The following PLEKHG1 variants were observed in gnomAD, a reference collection of about 807,000 sequenced individuals.
PLEKHG1 encodes the protein pleckstrin homology domain-containing family G member 1.
PLEKHG1 carries 44 observed loss-of-function variants against 100.8 expected under a neutral mutation model. That is an observed-to-expected ratio of 0.44 (90% CI 0.34 to 0.56). The LOEUF is 0.56. Among genes scored for constraint, PLEKHG1 ranks in the 20% least tolerant of loss-of-function variants. The pLI, the probability that PLEKHG1 is intolerant of heterozygous loss-of-function variation, is 0.01. For missense variants in PLEKHG1, 1,545 were observed against 1,720.9 expected (o/e 0.90, Z 1.81); for synonymous variants, 640 against 662.5 (o/e 0.97, Z 0.52).
chr6:150,779,124 C>A (rs1441778792), intron 3 of PLEKHG1, among the ~76,000 whole-genome samples: 2 of 152,022 alleles, frequency 1.3e-5, no homozygotes, highest in Non-Finnish European at 2.9e-5. Flanking sequence ...GGTTTCCTCA[C>A]CTTAAAATTA....
chr6:150,714,931 C>T (rs1271912618), intron 3 of PLEKHG1, among the ~76,000 whole-genome samples: 1 of 152,020 alleles, frequency 6.6e-6, no homozygotes, highest in East Asian at 1.9e-4. Flanking sequence ...GCCTCAGCCT[C>T]CCAAGTAGCT....
chr6:150,699,389 C>T (rs747914594), intron 3 of PLEKHG1, among the ~76,000 whole-genome samples: 1 of 152,230 alleles, frequency 6.6e-6, no homozygotes, highest in Non-Finnish European at 1.5e-5. Context: ...AGGTTTCCCT[C>T]GTGCAACAGA....
chr6:150,714,494 T>C lies in PLEKHG1; in HGVS notation c.-98-19090T>C, dbSNP rs112105171. 3.7e-3 allele frequency among the ~76,000 whole-genome samples: 563 copies of C among 152,256 alleles called. 3 individuals are homozygous for C. Among genetic ancestry groups the C allele is most frequent in the African/African-American group, 0.013 (538 of 41,544 alleles). On this transcript the variant is annotated intron_variant, in intron 3 of 3. Coordinates refer to the PLEKHG1 transcript ENST00000367326. ...TGGCCGACTGTTGAAAGGTATACGA[T>C]GGAGATGTCAAATCATAACTTGGTT...
In PLEKHG1 at chr6:150,600,332, A is replaced by T. The variant is rs1379347793; in HGVS notation, c.-204+315A>T. 6.6e-6 allele frequency among the ~76,000 whole-genome samples: 1 copy of T among 151,438 alleles called. No homozygotes were observed. The highest frequency in any genetic ancestry group is 2.4e-5 in the African/African-American group (1 of 41,226). ...CCCCGCTTGGGGTTCCGCGCCCCCA[A>T]GTTCCCGGTGCTCCCGCCCCTCGCC... is the stretch of plus-strand genomic sequence containing the variant. On this transcript the variant is annotated intron_variant, in intron 1 of 3. Transcript: ENST00000367326. This position sits in a 1 kb window ranked among gnomAD's most constrained non-coding sequence, Gnocchi z 6.2.
At chr6:150,636,374 G>A (rs773004805) in intron 1 of PLEKHG1, among the ~76,000 whole-genome samples, 1 of 152,130 alleles carries the variant, frequency 6.6e-6, no homozygotes, top group Non-Finnish European at 1.5e-5. Context: ...TGTCTTTTGA[G>A]CCGTTCTGAC....
At chr6:150,824,814 A>G (rs879269867) in intron 14 of PLEKHG1, among the ~76,000 whole-genome samples, 1 of 152,128 alleles carries the variant, frequency 6.6e-6, no homozygotes, top group Non-Finnish European at 1.5e-5. Flanking sequence ...ACAGGCATGA[A>G]CCACCACACC....
intron 2 of PLEKHG1, among the ~76,000 whole-genome samples, chr6:150,765,493 C>CAAAAAA (rs141648102): frequency 1.3e-4 from 18 of 140,654 alleles, no homozygotes; most frequent in African/African-American, 3.9e-4. Flanking sequence ...GACTCTGTCT[C>CAAAAAA]AAAGAAAAAA....
At chr6:150,772,280 T>G (rs1784750506) in intron 3 of PLEKHG1, among the ~76,000 whole-genome samples, 1 of 152,232 alleles carries the variant, frequency 6.6e-6, no homozygotes, top group Non-Finnish European at 1.5e-5. Context: ...ACAACTGTGC[T>G]GGAACTGCCA....
At chr6:150,791,867 G>C (rs1290859680) in intron 4 of PLEKHG1, among the ~76,000 whole-genome samples, 3 of 152,276 alleles carry the variant, frequency 2.0e-5, no homozygotes, top group East Asian at 3.9e-4. Context: ...CAGTTGATTT[G>C]AAAATATGCT....
At chr6:150,786,643 AGTT>A (rs1785638330) in intron 4 of PLEKHG1, among the ~76,000 whole-genome samples, 184 bp downstream of exon 5, 1 of 152,210 alleles carries the variant, frequency 6.6e-6, no homozygotes, top group African/African-American at 2.4e-5. Flanking sequence ...CTAATCTAGT[AGTT>A]GTTCTAGAAC....
intron 1 of PLEKHG1, among the ~76,000 whole-genome samples, chr6:150,630,222 A>G (rs1294051945): frequency 6.6e-6 from 1 of 152,220 alleles, no homozygotes. Flanking sequence ...CCCCTGGTGG[A>G]ATTTGAACCC....
At chr6:150,839,544 A>T (rs1777405590) in intron 15 of PLEKHG1, among the ~76,000 whole-genome samples, 1 of 152,150 alleles carries the variant, frequency 6.6e-6, no homozygotes, top group South Asian at 2.1e-4. Flanking sequence ...AACACTAGAA[A>T]CTTTCATTAT....
intron 6 of PLEKHG1, among the ~76,000 whole-genome samples, chr6:150,802,418 T>C (rs895032946): frequency 6.6e-6 from 1 of 152,178 alleles, no homozygotes; most frequent in African/African-American, 2.4e-5. Context: ...TAATATGGTC[T>C]TCTAGACAGT....
At chr6:150,632,151 A>G (rs1582846758) in intron 1 of PLEKHG1, among the ~76,000 whole-genome samples, 1 of 152,372 alleles carries the variant, frequency 6.6e-6, no homozygotes, top group South Asian at 2.1e-4. Flanking sequence ...TTCAGTGAAA[A>G]AAGGAAAAGG....
At chr6:150,834,478 C>G (rs1777123365) in intron 15 of PLEKHG1, among the ~76,000 whole-genome samples, 1 of 152,148 alleles carries the variant, frequency 6.6e-6, no homozygotes, top group South Asian at 2.1e-4. Flanking sequence ...AGTAGTAATT[C>G]CCTGGGCCAG....
chr6:150,658,596 A>G (rs974216861), intron 3 of PLEKHG1, among the ~76,000 whole-genome samples: 1 of 152,102 alleles, frequency 6.6e-6, no homozygotes, highest in Non-Finnish European at 1.5e-5. Context: ...CTCATTTCTA[A>G]GTCTTCTCAA....
At chr6:150,808,420 A>G (rs9397026) in intron 7 of PLEKHG1, among the ~76,000 whole-genome samples, 20,201 of 151,246 alleles carry the variant, frequency 0.13, 1,735 homozygotes, top group East Asian at 0.46. Context: ...GCTCTGAAGG[A>G]GTTTTTTTTT....
At chr6:150,724,382 A>C in intron 1 of PLEKHG1, among the ~76,000 whole-genome samples, 1 of 152,176 alleles carries the variant, frequency 6.6e-6, no homozygotes, top group African/African-American at 2.4e-5. Flanking sequence ...TTTGGTAGAC[A>C]ACTAACAGTC....
chr6:150,743,373 A>G (rs1782983554), intron 2 of PLEKHG1, among the ~76,000 whole-genome samples: 2 of 152,158 alleles, frequency 1.3e-5, no homozygotes, highest in Non-Finnish European at 2.9e-5. Flanking sequence ...ATCCAAAAAA[A>G]AAATTAGCCG....
Sources: allele counts gnomAD v4.1 joint callset (sites outside exome capture counted in the v4.1 genomes callset), GRCh38; gene constraint gnomAD v4.1.1; non-coding constraint Gnocchi (gnomAD v3.1); transcripts MANE v1.5; gene names NCBI Gene and HGNC (gene_info 2026-07-23, HGNC 2026-07-21).